FAM184B: variants seen among roughly 807,000 people sequenced by gnomAD.
FAM184B encodes protein FAM184B.
A neutral mutation model predicts 135.9 loss-of-function variants in FAM184B; 111 were observed. That is an observed-to-expected ratio of 0.82 (90% CI 0.70 to 0.96). FAM184B has a LOEUF of 0.96. FAM184B is among the 40% of genes least tolerant of loss of function. FAM184B has a pLI of 0.00. For missense variants in FAM184B, 1,375 were observed against 1,323.9 expected (o/e 1.04, Z -0.60); for synonymous variants, 552 against 524.8 (o/e 1.05, Z -0.71).
At chr4:17,658,727 C>T (rs1269365316) in intron 9 of FAM184B, among the ~76,000 whole-genome samples, 165 bp from the exon 10 acceptor site, 1 of 152,170 alleles carries the variant, frequency 6.6e-6, no homozygotes, top group Non-Finnish European at 1.5e-5. Context: ...TGGGGGTGGC[C>T]AGTCCTTCCA....
At chr4:17,717,297 C>A (rs2108970337) in intron 1 of FAM184B, among the ~76,000 whole-genome samples, 1 of 152,312 alleles carries the variant, frequency 6.6e-6, no homozygotes, top group Non-Finnish European at 1.5e-5. Context: ...CTCACCCAAT[C>A]TCCTCCAAAG....
At chr4:17,772,866 A>G (rs1718849125) in intron 1 of FAM184B, among the ~76,000 whole-genome samples, 1 of 152,230 alleles carries the variant, frequency 6.6e-6, no homozygotes, top group South Asian at 2.1e-4. Context: ...GATGTGTAGA[A>G]GACAATGTGT....
intron 1 of FAM184B, among the ~76,000 whole-genome samples, chr4:17,713,571 C>T (rs1039437751): frequency 6.6e-6 from 1 of 152,218 alleles, no homozygotes; most frequent in African/African-American, 2.4e-5. Context: ...GGGATAGGTG[C>T]TATATACACA....
At chr4:17,752,948 T>G (rs984448147) in intron 1 of FAM184B, among the ~76,000 whole-genome samples, 8 of 152,232 alleles carry the variant, frequency 5.3e-5, no homozygotes, top group African/African-American at 1.4e-4. Context: ...CTATTTGCCC[T>G]TGAAGGTAGC....
chr4:17,775,689 G>A (rs929088025), intron 1 of FAM184B, among the ~76,000 whole-genome samples: 2 of 152,214 alleles, frequency 1.3e-5, no homozygotes, highest in Non-Finnish European at 2.9e-5. Context: ...TTCAACTGGT[G>A]TGTTTTTAAA....
rs151185488 is a variant in FAM184B at position 17,705,825 on chromosome 4, C to A, written c.1097G>T (p.Gly366Val). 48 of 1,551,970 alleles carry A rather than the reference C, an allele frequency of 3.1e-5. No homozygotes were observed. In the East Asian group the frequency reaches 3.9e-4, roughly 13 times the overall value. ...TTGATCCTGCTGAGGATGAAGATTG[C>A]CGGCTTCCAAGTCATTCTCTTCCCG... is the stretch of plus-strand genomic sequence containing the variant. ...VLREENDLEA[G>V]NLHPQQDQSC... The change falls in exon 4 of 18, where the codon GGC becomes GTC. Residue 366 changes from glycine (G) to valine (V), a missense_variant. By Grantham distance (109) the Gly-to-Val change is moderately radical. Transcript: ENST00000265018.
intron 8 of FAM184B, among the ~76,000 whole-genome samples, 172 bp from the exon 9 acceptor site, chr4:17,660,259 AT>A (rs1398049546): frequency 6.6e-6 from 1 of 152,188 alleles, no homozygotes; most frequent in Non-Finnish European, 1.5e-5. Context: ...TATAAAGTGT[AT>A]TATTGTACTT....
intron 8 of FAM184B, among the ~76,000 whole-genome samples, chr4:17,664,111 T>TA (rs936717391): frequency 5.3e-5 from 8 of 152,166 alleles, no homozygotes; most frequent in African/African-American, 1.4e-4. Context: ...GAGCCAATCA[T>TA]AAGGGTAGCT....
chr4:17,666,469 C>CTTTTTTTTTTTTTTTTTTTTTTT (rs386399397), intron 7 of FAM184B, among the ~76,000 whole-genome samples: 1 of 57,156 alleles, frequency 1.7e-5, no homozygotes, highest in Non-Finnish European at 2.9e-5. Flanking sequence ...GTGCCTGGTT[C>CTTTTTTTTTTTTTTTTTTTTTTT]TTTTTTTTTT....
At chr4:17,673,066 G>A (rs537831085) in intron 7 of FAM184B, among the ~76,000 whole-genome samples, 14 of 151,820 alleles carry the variant, frequency 9.2e-5, no homozygotes, top group African/African-American at 2.2e-4. Flanking sequence ...TAATGAACTC[G>A]AACAAATTAG....
At chr4:17,665,077 C>G (rs982212178) in intron 7 of FAM184B, among the ~76,000 whole-genome samples, 2 of 152,132 alleles carry the variant, frequency 1.3e-5, no homozygotes, top group South Asian at 4.1e-4. Flanking sequence ...GAGAGAGGTC[C>G]TTGTTTCCTT....
intron 1 of FAM184B, among the ~76,000 whole-genome samples, chr4:17,757,066 T>C (rs1189707128): frequency 6.6e-6 from 1 of 152,204 alleles, no homozygotes; most frequent in African/African-American, 2.4e-5. Flanking sequence ...TGATAGAAAT[T>C]CATGGCACTT....
intron 1 of FAM184B, among the ~76,000 whole-genome samples, chr4:17,728,657 G>A (rs764211752): frequency 6.6e-6 from 1 of 152,186 alleles, no homozygotes; most frequent in Non-Finnish European, 1.5e-5. Flanking sequence ...CCCAGGTGTG[G>A]AGCAGAGGCA....
chr4:17,711,612 G>A (rs1331968043), intron 1 of FAM184B, among the ~76,000 whole-genome samples: 2 of 152,130 alleles, frequency 1.3e-5, no homozygotes, highest in Non-Finnish European at 2.9e-5. Context: ...ACAGTGAGCC[G>A]TGATCCTGCC....
intron 1 of FAM184B, among the ~76,000 whole-genome samples, chr4:17,728,499 A>G (rs1717694639): frequency 6.6e-6 from 1 of 152,196 alleles, no homozygotes; most frequent in Non-Finnish European, 1.5e-5. Flanking sequence ...AACAGCACAC[A>G]AGAACAAATC....
chr4:17,697,841 C>T (rs1716899954), intron 5 of FAM184B, among the ~76,000 whole-genome samples: 1 of 152,046 alleles, frequency 6.6e-6, no homozygotes, highest in Non-Finnish European at 1.5e-5. Context: ...GTAACCTTGA[C>T]AAATGAACCT....
intron 7 of FAM184B, 81 bp downstream of exon 7, chr4:17,688,343 G>T: frequency 1.0e-6 from 1 of 1,002,636 alleles, no homozygotes; most frequent in Non-Finnish European, 1.5e-6. Context: ...ATTAACATCA[G>T]CATGTGTTAC....
intron 1 of FAM184B, among the ~76,000 whole-genome samples, chr4:17,728,297 G>A (rs1432401365): frequency 6.6e-6 from 1 of 152,154 alleles, no homozygotes. Context: ...TGAGATGGGA[G>A]GATTGCTAGA....
At chr4:17,774,454 C>T (rs1242087028) in intron 1 of FAM184B, among the ~76,000 whole-genome samples, 1 of 152,186 alleles carries the variant, frequency 6.6e-6, no homozygotes, top group African/African-American at 2.4e-5. Flanking sequence ...TGGACACGGG[C>T]CCAGAGGCAG....
Sources: gnomAD v4.1 joint callset for allele counts (sites outside exome capture counted in the v4.1 genomes callset) on GRCh38, gnomAD v4.1.1 for gene constraint, MANE v1.5 for transcripts, NCBI Gene and HGNC (gene_info 2026-07-23, HGNC 2026-07-21) for gene names.